The following NDUFA12 variants were observed in gnomAD, a reference collection of about 807,000 sequenced individuals.
NDUFA12 encodes the protein NADH:ubiquinone oxidoreductase subunit A12.
Under a neutral mutation model 20.3 loss-of-function variants are expected in NDUFA12, and 17 were observed. The observed-to-expected ratio is 0.84, with a 90% CI of 0.57 to 1.26. The LOEUF is 1.26. Among genes scored for constraint, NDUFA12 ranks in the 50% most tolerant of loss-of-function variants. The pLI, the probability that NDUFA12 is intolerant of heterozygous loss-of-function variation, is 0.00. For synonymous variants in NDUFA12, 72 were observed against 63.6 expected (o/e 1.13, Z -0.63); for missense variants, 191 against 183.7 (o/e 1.04, Z -0.23).
chr12:94,986,642 AC>A (rs34958768), intron 3 of NDUFA12, among the ~76,000 whole-genome samples: 119,279 of 151,332 alleles, frequency 0.79, 47,131 homozygotes, highest in African/African-American at 0.83. Flanking sequence ...CTAAAAAAAA[AC>A]CAGCAGGTTG....
intron 3 of NDUFA12, among the ~76,000 whole-genome samples, chr12:94,993,419 G>C (rs1320190712): frequency 6.6e-6 from 1 of 150,734 alleles, no homozygotes; most frequent in Non-Finnish European, 1.5e-5. Flanking sequence ...GAGGTCAGGA[G>C]TTCAAGACCA....
intron 2 of NDUFA12, 34 bp from the exon 3 acceptor site, chr12:94,994,291 C>CT (rs751514679): frequency 2.5e-3 from 3,681 of 1,463,584 alleles, no homozygotes; most frequent in Non-Finnish European, 2.9e-3. Context: ...AAAAGAAAAA[C>CT]TTTTTTTTTT....
intron 3 of NDUFA12, among the ~76,000 whole-genome samples, chr12:94,988,228 C>G (rs1273954800): frequency 6.6e-6 from 1 of 152,142 alleles, no homozygotes; most frequent in Non-Finnish European, 1.5e-5. Flanking sequence ...CCAAAAAGCC[C>G]TAAGAGGATA....
intron 3 of NDUFA12, 147 bp downstream of exon 3, chr12:94,994,023 C>T (rs1874737420): frequency 4.4e-6 from 3 of 680,746 alleles, no homozygotes; most frequent in South Asian, 3.4e-5. Flanking sequence ...ACTAGGGAGG[C>T]TGATGTGGGA....
chr12:94,972,612 C>A, intron 3 of NDUFA12: 1 of 314,390 alleles, frequency 3.2e-6, no homozygotes, highest in Admixed American at 3.2e-5. Flanking sequence ...GTCTATAATC[C>A]CAGCACTTTG....
intron 3 of NDUFA12, among the ~76,000 whole-genome samples, chr12:94,984,394 G>A (rs529478264): frequency 6.6e-6 from 1 of 152,156 alleles, no homozygotes; most frequent in South Asian, 2.1e-4. Flanking sequence ...AGGCCAAGGT[G>A]GGTGAATCAC....
intron 3 of NDUFA12, 64 bp downstream of exon 3, chr12:94,994,106 A>G: frequency 7.0e-7 from 1 of 1,422,776 alleles, no homozygotes; most frequent in Non-Finnish European, 9.8e-7. Context: ...CCTGGGTGAC[A>G]GAGTGAGACC....
At chr12:94,980,126 C>T (rs1165591895) in intron 3 of NDUFA12, among the ~76,000 whole-genome samples, 1 of 152,158 alleles carries the variant, frequency 6.6e-6, no homozygotes, top group African/African-American at 2.4e-5. Flanking sequence ...TAGCTACTTA[C>T]CTTGTTCTTT....
chr12:94,995,553 G>A (rs1264428654), intron 2 of NDUFA12, among the ~76,000 whole-genome samples: 2 of 151,952 alleles, frequency 1.3e-5, no homozygotes, highest in African/African-American at 2.4e-5. Context: ...TATTGGAGAC[G>A]GAGTCTCGCT....
chr12:94,971,546 G>A lies in NDUFA12; in HGVS notation c.332C>T (p.Thr111Met), dbSNP rs759909165. ...GCCAGTCACGTTGAATTTATGGTTC[G>A]TCCAAATGAATTTACGAGCAGTAAG... is the stretch of plus-strand genomic sequence containing the variant. ...KPLTARKFIW[T>M]NHKFNVTGTP... The change falls in exon 4 of 4, where the codon ACG becomes ATG. Residue 111 changes from threonine (T) to methionine (M), a missense_variant. Transcript: ENST00000327772. 3.7e-6 allele frequency: 6 copies of A among 1,614,012 alleles called. No homozygotes were observed. Among genetic ancestry groups the A allele is most frequent in the South Asian group, 1.1e-5 (1 of 91,082 alleles).
chr12:94,972,879 T>TGTGATCAA (rs1873935271), intron 3 of NDUFA12, among the ~76,000 whole-genome samples: 1 of 151,264 alleles, frequency 6.6e-6, no homozygotes, highest in South Asian at 2.1e-4. Flanking sequence ...TGGGACAGAG[T>TGTGATCAA]GCAGGAAGCT....
rs940364851 is a variant in NDUFA12 at position 94,989,904 on chromosome 12, G to A, written c.257+4266C>T. 9.9e-5 allele frequency among the ~76,000 whole-genome samples: 15 copies of A among 152,274 alleles called. 2 individuals are homozygous for A. Among genetic ancestry groups the A allele is most frequent in the Admixed American group, 3.3e-4 (5 of 15,284 alleles). On this transcript the variant is annotated intron_variant, in intron 3 of 3. Coordinates refer to ENST00000327772, the MANE Select transcript of NDUFA12 (RefSeq NM_018838.5). ...TTAGATGAACATTTTGAAGCAGGTA[G>A]ATGTCAATCTGAATAAGACAGCTCA... is the stretch of plus-strand genomic sequence containing the variant.
At chr12:94,993,379 C>CT (rs200243253) in intron 3 of NDUFA12, among the ~76,000 whole-genome samples, 3,323 of 147,892 alleles carry the variant, frequency 0.022, 127 homozygotes, top group African/African-American at 0.078. Flanking sequence ...AATCCCAGCA[C>CT]TTTGAGAGGC....
intron 3 of NDUFA12, among the ~76,000 whole-genome samples, chr12:94,983,838 G>A (rs1874320057): frequency 6.6e-6 from 1 of 152,036 alleles, no homozygotes; most frequent in Non-Finnish European, 1.5e-5. Context: ...CAACCACAGA[G>A]ATGCTTTAAA....
intron 3 of NDUFA12, among the ~76,000 whole-genome samples, chr12:94,984,663 C>T (rs972391127): frequency 7.4e-6 from 1 of 135,842 alleles, no homozygotes; most frequent in African/African-American, 2.8e-5. Flanking sequence ...TAAGAAGGTG[C>T]TCCAAGAATG....
chr12:94,978,945 G>T (rs1874145977), intron 3 of NDUFA12, among the ~76,000 whole-genome samples: 1 of 152,196 alleles, frequency 6.6e-6, no homozygotes, highest in African/African-American at 2.4e-5. Context: ...GACATATTAA[G>T]TGAGGGGAGG....
intron 3 of NDUFA12, among the ~76,000 whole-genome samples, chr12:94,972,780 T>G (rs1873932025): frequency 6.6e-6 from 1 of 152,070 alleles, no homozygotes; most frequent in African/African-American, 2.4e-5. Flanking sequence ...GTTCCAGAAA[T>G]CAGACCTAAA....
chr12:94,997,600 G>T (rs1227583085), intron 2 of NDUFA12, among the ~76,000 whole-genome samples: 1 of 152,106 alleles, frequency 6.6e-6, no homozygotes, highest in East Asian at 1.9e-4. Flanking sequence ...GAAGGTACAG[G>T]TTGGGTATCT....
intron 3 of NDUFA12, among the ~76,000 whole-genome samples, chr12:94,993,947 A>G (rs989867501): frequency 1.3e-5 from 2 of 152,066 alleles, no homozygotes; most frequent in Non-Finnish European, 2.9e-5. Flanking sequence ...AAAGAAACAA[A>G]CAAACAAATT....
Sources: gnomAD v4.1 joint callset for allele counts (sites outside exome capture counted in the v4.1 genomes callset) on GRCh38, gnomAD v4.1.1 for gene constraint, MANE v1.5 for transcripts, NCBI Gene and HGNC (gene_info 2026-07-23, HGNC 2026-07-21) for gene names.